MINDY4B: variants seen among roughly 807,000 people sequenced by gnomAD.
MINDY4B encodes MINDY family member 4B.
A neutral mutation model predicts 16.7 loss-of-function variants in MINDY4B; 25 were observed. That is an observed-to-expected ratio of 1.49 (90% CI 1.09 to 2.09). The LOEUF is 2.09. Among genes scored for constraint, MINDY4B ranks in the 30% most tolerant of loss-of-function variants. MINDY4B has a pLI of 0.00. For missense variants in MINDY4B, 327 were observed against 168.4 expected (o/e 1.94, Z -5.21); for synonymous variants, 132 against 61.9 (o/e 2.13, Z -5.32).
chr3:150,873,455 C>T, intron 10 of MINDY4B, 88 bp from the exon 11 acceptor site: 1 of 640,018 alleles, frequency 1.6e-6, no homozygotes, highest in Non-Finnish European at 2.8e-6. Context: ...CAAAAAGCAG[C>T]TCTGAGGTTT....
intron 5 of MINDY4B, among the ~76,000 whole-genome samples, chr3:150,891,761 CAAAAA>C (rs35565267): frequency 8.3e-4 from 57 of 68,636 alleles, no homozygotes; most frequent in South Asian, 2.3e-3. Context: ...GACTCCATCT[CAAAAA>C]AAAAAAAAAA....
chr3:150,886,984 T>C (rs758565725), intron 7 of MINDY4B, among the ~76,000 whole-genome samples: 20 of 152,244 alleles, frequency 1.3e-4, no homozygotes, highest in Non-Finnish European at 2.8e-4. Flanking sequence ...CCAAATCCTG[T>C]ATATATGATG....
At chr3:150,874,694 G>A (rs972640425) in intron 10 of MINDY4B, among the ~76,000 whole-genome samples, 2 of 152,098 alleles carry the variant, frequency 1.3e-5, no homozygotes, top group African/African-American at 2.4e-5. Flanking sequence ...TGTACTGTTT[G>A]TTCAGGAACA....
intron 10 of MINDY4B, among the ~76,000 whole-genome samples, chr3:150,876,291 GA>G (rs1359040976): frequency 6.6e-6 from 1 of 152,172 alleles, no homozygotes; most frequent in Admixed American, 6.5e-5. Context: ...CAGAGTGCAA[GA>G]ATTGAGTCCA....
At chr3:150,881,203 C>T (rs1271664169) in intron 10 of MINDY4B, among the ~76,000 whole-genome samples, 5 of 150,888 alleles carry the variant, frequency 3.3e-5, no homozygotes, top group African/African-American at 9.8e-5. Context: ...GCCAAAATGG[C>T]GAAAATCCTA....
intron 10 of MINDY4B, among the ~76,000 whole-genome samples, chr3:150,876,223 C>A (rs746841259): frequency 7.9e-5 from 12 of 152,230 alleles, no homozygotes; most frequent in Non-Finnish European, 1.5e-4. Flanking sequence ...TAACACATAT[C>A]ATTTAAGCCA....
chr3:150,895,056 G>C (rs747821737), intron 3 of MINDY4B, among the ~76,000 whole-genome samples: 1 of 152,188 alleles, frequency 6.6e-6, no homozygotes. Flanking sequence ...CTGGTCAATG[G>C]CATCTAGCAT....
chr3:150,894,786 A>C (rs1370010725), intron 3 of MINDY4B, among the ~76,000 whole-genome samples: 1 of 152,228 alleles, frequency 6.6e-6, no homozygotes, highest in Non-Finnish European at 1.5e-5. Context: ...AAATGGGAAC[A>C]AGACTTTTTA....
chr3:150,898,700 A>G (rs540225919), intron 3 of MINDY4B, among the ~76,000 whole-genome samples: 11 of 152,298 alleles, frequency 7.2e-5, no homozygotes, highest in Non-Finnish European at 1.3e-4. Flanking sequence ...CTTTGCTAGT[A>G]TTCTATATTT....
At chr3:150,876,520 T>C (rs1176648087) in intron 10 of MINDY4B, among the ~76,000 whole-genome samples, 1 of 152,178 alleles carries the variant, frequency 6.6e-6, no homozygotes, top group Non-Finnish European at 1.5e-5. Context: ...AATACATACT[T>C]GATGTAACTT....
intron 2 of MINDY4B, among the ~76,000 whole-genome samples, chr3:150,904,523 G>A (rs931892683): frequency 3.9e-5 from 6 of 152,312 alleles, no homozygotes; most frequent in African/African-American, 1.4e-4. Flanking sequence ...AGTGATTGAA[G>A]TAATACCTGA....
chr3:150,883,296 G>A lies in MINDY4B; in HGVS notation c.898-238C>T, dbSNP rs6440703. ...GTACCCCACTCTGATCTTACTGCCC[G>A]TCCTCCTTTTACAGTTCTTTTAAAC... On this transcript the variant is annotated intron_variant, in intron 9 of 11. Transcript: ENST00000465419. Among the ~76,000 whole-genome samples the A allele has an allele frequency of 4.6e-5, 7 of 152,002 alleles. No homozygotes were observed. In the East Asian group the frequency reaches 1.4e-3, roughly 29 times the overall value.
At chr3:150,899,605 C>T (rs2107910792) in intron 3 of MINDY4B, among the ~76,000 whole-genome samples, 1 of 152,266 alleles carries the variant, frequency 6.6e-6, no homozygotes, top group African/African-American at 2.4e-5. Context: ...CAGGGCTCCC[C>T]ATTGCTCAAA....
chr3:150,880,576 A>G (rs557649741), intron 10 of MINDY4B, among the ~76,000 whole-genome samples: 3 of 152,388 alleles, frequency 2.0e-5, no homozygotes, highest in African/African-American at 7.2e-5. Flanking sequence ...CATTAAGCAA[A>G]TAATAGTAGT....
chr3:150,878,462 A>G lies in MINDY4B; in HGVS notation c.1059+4435T>C, dbSNP rs959677038. Among the ~76,000 whole-genome samples the G allele has an allele frequency of 7.9e-5, 12 of 152,180 alleles. 1 individual carries two copies. Among genetic ancestry groups the G allele is most frequent in the African/African-American group, 2.7e-4 (11 of 41,440 alleles). On this transcript the variant is annotated intron_variant, in intron 10 of 11. Transcript: ENST00000465419. ...ACCAAACTTCAAATGCATGACAGAG[A>G]CAACATAATAAACATCCTCAGGGTT...
intron 7 of MINDY4B, among the ~76,000 whole-genome samples, chr3:150,889,578 A>G (rs979627233): frequency 6.6e-6 from 1 of 151,374 alleles, no homozygotes; most frequent in Non-Finnish European, 1.5e-5. Flanking sequence ...CTTTAGGGGG[A>G]CTAGTCCTCT....
intron 10 of MINDY4B, among the ~76,000 whole-genome samples, chr3:150,881,185 C>G (rs780288096): frequency 6.6e-6 from 1 of 152,056 alleles, no homozygotes; most frequent in Non-Finnish European, 1.5e-5. Flanking sequence ...GAGTTTGAGA[C>G]CAGCCTGGCC....
intron 2 of MINDY4B, 114 bp downstream of exon 2, chr3:150,904,948 T>C (rs11717908): frequency 0.075 from 29,685 of 397,806 alleles, 1,307 homozygotes; most frequent in African/African-American, 0.14. Flanking sequence ...ACGCGTTAAA[T>C]GCCAGTGCCT....
chr3:150,889,313 G>A (rs543074737), intron 7 of MINDY4B, among the ~76,000 whole-genome samples: 1 of 152,350 alleles, frequency 6.6e-6, no homozygotes, highest in African/African-American at 2.4e-5. Flanking sequence ...CACATTCCTT[G>A]GTTCATGGCT....
Sources: allele counts gnomAD v4.1 joint callset (sites outside exome capture counted in the v4.1 genomes callset), GRCh38; gene constraint gnomAD v4.1.1; transcripts MANE v1.5; gene names NCBI Gene and HGNC (gene_info 2026-07-23, HGNC 2026-07-21).